The following GRIP1 variants were observed in gnomAD, a reference collection of about 807,000 sequenced individuals.
The protein encoded by GRIP1 is glutamate receptor-interacting protein 1.
Under a neutral mutation model 129.9 loss-of-function variants are expected in GRIP1, and 45 were observed. The ratio of observed to expected loss-of-function variants is 0.35; its 90% CI spans 0.27 to 0.44. The LOEUF (loss-of-function observed/expected upper bound fraction) is 0.44, where lower values mean the gene tolerates loss of function less well. Among genes scored for constraint, GRIP1 ranks in the 20% least tolerant of loss-of-function variants. The pLI, the probability that GRIP1 is intolerant of heterozygous loss-of-function variation, is 1.00. For missense variants in GRIP1, 1,196 were observed against 1,396.8 expected (o/e 0.86, Z 2.29); for synonymous variants, 530 against 520.8 (o/e 1.02, Z -0.24).
At chr12:66,783,918 GT>G (rs1274407115) in intron 1 of GRIP1, among the ~76,000 whole-genome samples, 1 of 152,160 alleles carries the variant, frequency 6.6e-6, no homozygotes, top group Non-Finnish European at 1.5e-5. Flanking sequence ...CATTTAAGAA[GT>G]GCAGGCTCAT....
rs377093841 is a variant in GRIP1, at chr12:67,039,462, ATT to A, written c.58+29586_58+29587del. Among the ~76,000 whole-genome samples the A allele has an allele frequency of 6.8e-4, 103 of 152,314 alleles. 1 individual carries two copies. In the East Asian group the frequency reaches 0.019, roughly 27 times the overall value. On this transcript the variant is annotated intron_variant, in intron 1 of 1. Transcript: ENST00000643019. ...CAGACTAGCCACACAGTCAGTAGGA[ATT>A]TTGGTTCTAACACTGGAAATGAATT...
chr12:66,494,648 G>A (rs1337427950), intron 7 of GRIP1, among the ~76,000 whole-genome samples: 1 of 152,100 alleles, frequency 6.6e-6, no homozygotes, highest in African/African-American at 2.4e-5. Flanking sequence ...TGAGGTGGGA[G>A]GGTTGCTTGA....
chr12:66,817,183 T>C (rs2039234418), intron 1 of GRIP1, among the ~76,000 whole-genome samples: 1 of 149,520 alleles, frequency 6.7e-6, no homozygotes, highest in Non-Finnish European at 1.5e-5. Context: ...AGTATATATA[T>C]ATACATAATT....
chr12:67,057,747 GCA>G (rs2043463000), intron 1 of GRIP1, among the ~76,000 whole-genome samples: 1 of 152,188 alleles, frequency 6.6e-6, no homozygotes, highest in Non-Finnish European at 1.5e-5. Context: ...AGCAGATGCA[GCA>G]CTACAGGTGT....
At chr12:66,469,074 G>C (rs1011117952) in intron 7 of GRIP1, among the ~76,000 whole-genome samples, 1 of 152,186 alleles carries the variant, frequency 6.6e-6, no homozygotes, top group African/African-American at 2.4e-5. Context: ...TTAATTTAAA[G>C]TCATGGTTAA....
chr12:66,523,279 G>C (rs2061090755), intron 5 of GRIP1, among the ~76,000 whole-genome samples: 1 of 150,992 alleles, frequency 6.6e-6, no homozygotes, highest in Admixed American at 6.6e-5. Context: ...CAGCCAGAGA[G>C]AAAGGTCGGG....
rs949671959 is a variant in GRIP1 at position 66,859,741 on chromosome 12, C to A, written c.58+209309G>T. ...GAGATCACTGTCAATCTGGGCAATTCCTAAAAATAGTGCTCTGTGGGTGCT... is the reference window on the plus strand; with the variant it reads ...GAGATCACTGTCAATCTGGGCAATTACTAAAAATAGTGCTCTGTGGGTGCT... On this transcript the variant is annotated intron_variant, in intron 1 of 1. Transcript: ENST00000643019. Among the ~76,000 whole-genome samples, 32 of 151,984 alleles carry A rather than the reference C, an allele frequency of 2.1e-4. 1 individual carries two copies. The highest frequency in any genetic ancestry group is 1.8e-3 in the Admixed American group (28 of 15,226).
intron 1 of GRIP1, among the ~76,000 whole-genome samples, chr12:66,861,369 A>AG (rs1215423882): frequency 1.3e-5 from 2 of 152,172 alleles, no homozygotes; most frequent in African/African-American, 2.4e-5. Flanking sequence ...GATGTGCAGC[A>AG]GAAAAAAATG....
chr12:66,937,569 C>A (rs561652690), intron 1 of GRIP1, among the ~76,000 whole-genome samples: 65 of 152,004 alleles, frequency 4.3e-4, no homozygotes, highest in Non-Finnish European at 7.1e-4. Flanking sequence ...TGATTCCCCC[C>A]AAATTCAAAA....
At chr12:66,975,389 CAT>C (rs1245217625) in intron 1 of GRIP1, among the ~76,000 whole-genome samples, 1 of 152,186 alleles carries the variant, frequency 6.6e-6, no homozygotes, top group African/African-American at 2.4e-5. Context: ...CTGTCAGAAA[CAT>C]ATTCAATAAT....
intron 1 of GRIP1, among the ~76,000 whole-genome samples, chr12:66,813,536 T>A (rs2039144821): frequency 6.6e-6 from 1 of 152,124 alleles, no homozygotes; most frequent in Admixed American, 6.6e-5. Flanking sequence ...GAAGTGACTC[T>A]GGGGGCTATA....
intron 24 of GRIP1, among the ~76,000 whole-genome samples, chr12:66,349,776 G>C (rs2054137317): frequency 6.6e-6 from 1 of 152,002 alleles, no homozygotes; most frequent in East Asian, 2.0e-4. Flanking sequence ...GATGCCAGGA[G>C]TTTGAGACCA....
intron 7 of GRIP1, among the ~76,000 whole-genome samples, chr12:66,497,793 C>G (rs1422136837): frequency 1.3e-5 from 2 of 152,096 alleles, no homozygotes. Flanking sequence ...CCTCTGAGCC[C>G]AAGCCAAGCC....
At chr12:66,575,444 T>A (rs1157653542) in intron 2 of GRIP1, among the ~76,000 whole-genome samples, 1 of 152,224 alleles carries the variant, frequency 6.6e-6, no homozygotes, top group East Asian at 1.9e-4. Flanking sequence ...TTTTTCGGTA[T>A]CCTAGATAAC....
At chr12:66,694,298 G>A (rs1446845732) in intron 1 of GRIP1, among the ~76,000 whole-genome samples, 1 of 152,112 alleles carries the variant, frequency 6.6e-6, no homozygotes, top group Non-Finnish European at 1.5e-5. Flanking sequence ...TGGCCATTAT[G>A]AGCTTTGTAG....
intron 16 of GRIP1, among the ~76,000 whole-genome samples, chr12:66,400,461 G>C (rs952508143): frequency 1.2e-4 from 18 of 152,146 alleles, no homozygotes; most frequent in African/African-American, 4.1e-4. Flanking sequence ...AGGGGAAAAA[G>C]CTACTGCAAA....
chr12:66,749,838 G>A lies in GRIP1; in HGVS notation c.-420+54215C>T, dbSNP rs139883824. 2.0e-5 allele frequency among the ~76,000 whole-genome samples: 3 copies of A among 152,288 alleles called. No homozygotes were observed. The East Asian group carries it at 5.8e-4, about 29-fold the overall frequency. ...GAGATGTCAGAGCAGCAGCATAGAA[G>A]GAGCCTGGCTCCCTGTTATGGTGGA... On this transcript the variant is annotated intron_variant, in intron 1 of 4. Coordinates refer to the GRIP1 transcript ENST00000538373.
chr12:66,684,169 T>A (rs12320741), intron 1 of GRIP1, among the ~76,000 whole-genome samples: 4,995 of 152,252 alleles, frequency 0.033, 274 homozygotes, highest in African/African-American at 0.11. Flanking sequence ...TGGTAGGAAA[T>A]ACAATTGTAC....
At chr12:66,723,293 TTTC>T (rs2036140830) in intron 1 of GRIP1, among the ~76,000 whole-genome samples, 1 of 34,596 alleles carries the variant, frequency 2.9e-5, no homozygotes, top group African/African-American at 1.9e-4. Flanking sequence ...CCTTTCTTTC[TTTC>T]TTTCTTTCTT....
Sources: allele counts gnomAD v4.1 joint callset (sites outside exome capture counted in the v4.1 genomes callset), GRCh38; gene constraint gnomAD v4.1.1; transcripts MANE v1.5; gene names NCBI Gene and HGNC (gene_info 2026-07-23, HGNC 2026-07-21).